PHKB: variants seen among roughly 807,000 people sequenced by gnomAD.
PHKB encodes phosphorylase b kinase regulatory subunit beta.
A neutral mutation model predicts 152.1 loss-of-function variants in PHKB; 122 were observed. The ratio of observed to expected loss-of-function variants is 0.80; its 90% CI spans 0.69 to 0.93. The LOEUF is 0.93. PHKB is among the 40% of genes least tolerant of loss of function. The pLI is 0.00. For synonymous variants in PHKB, 436 were observed against 464.9 expected, an observed-to-expected ratio of 0.94 and a Z score of 0.80; for missense variants, 1,304 against 1,328.4, an observed-to-expected ratio of 0.98 and a Z score of 0.29.
intron 1 of PHKB, among the ~76,000 whole-genome samples, chr16:47,494,962 T>G (rs1970207363): frequency 6.6e-6 from 1 of 152,208 alleles, no homozygotes; most frequent in South Asian, 2.1e-4. Context: ...ATGTAGTTAC[T>G]TTAGAAACAA....
intron 10 of PHKB, among the ~76,000 whole-genome samples, chr16:47,593,112 G>C (rs866382491): frequency 6.8e-6 from 1 of 147,958 alleles, no homozygotes; most frequent in Non-Finnish European, 1.5e-5. Context: ...AAGAAAAAGA[G>C]GGGGGGGAGG....
intron 20 of PHKB, among the ~76,000 whole-genome samples, chr16:47,652,682 T>C (rs1376245764): frequency 6.6e-6 from 1 of 152,112 alleles, no homozygotes; most frequent in East Asian, 1.9e-4. Flanking sequence ...TCTCGCTCTG[T>C]CCTCCAGGCT....
intron 13 of PHKB, among the ~76,000 whole-genome samples, chr16:47,600,118 A>C (rs1238369611): frequency 1.3e-5 from 2 of 152,204 alleles, no homozygotes; most frequent in Non-Finnish European, 2.9e-5. Context: ...TTTGTATCTC[A>C]GTGAAGTCTA....
intron 1 of PHKB, among the ~76,000 whole-genome samples, chr16:47,477,708 A>C (rs565963571): frequency 6.6e-6 from 1 of 152,234 alleles, no homozygotes; most frequent in African/African-American, 2.4e-5. Flanking sequence ...AGGCCAAACT[A>C]CATGGCTCTG....
intron 24 of PHKB, among the ~76,000 whole-genome samples, chr16:47,664,564 C>G (rs939938956): frequency 6.6e-6 from 1 of 151,982 alleles, no homozygotes; most frequent in Non-Finnish European, 1.5e-5. Flanking sequence ...ATAAATATGC[C>G]GTTCCTCCTC....
intron 26 of PHKB, among the ~76,000 whole-genome samples, chr16:47,672,905 A>G (rs1309696681): frequency 6.6e-6 from 1 of 152,114 alleles, no homozygotes; most frequent in African/African-American, 2.4e-5. Context: ...TCAGGTGGCA[A>G]CATGTGACTT....
At chr16:47,681,418 G>C (rs1024160831) in intron 26 of PHKB, among the ~76,000 whole-genome samples, 2 of 148,442 alleles carry the variant, frequency 1.3e-5, no homozygotes, top group African/African-American at 2.4e-5. Context: ...TCTCTTTGTA[G>C]GTCACTAAGG....
chr16:47,613,617 T>C (rs1467489129), intron 14 of PHKB, among the ~76,000 whole-genome samples: 3 of 152,234 alleles, frequency 2.0e-5, no homozygotes, highest in Non-Finnish European at 4.4e-5. Flanking sequence ...GTTTTCTGTT[T>C]CTTTATTTTT....
chr16:47,689,702 T>C (rs531114533), intron 27 of PHKB, among the ~76,000 whole-genome samples: 1 of 152,364 alleles, frequency 6.6e-6, no homozygotes, highest in South Asian at 2.1e-4. Flanking sequence ...ATAGCTTTAA[T>C]GTAAGTATTT....
chr16:47,677,708 T>G (rs1407952258), intron 26 of PHKB, among the ~76,000 whole-genome samples: 1 of 152,090 alleles, frequency 6.6e-6, no homozygotes, highest in Non-Finnish European at 1.5e-5. Context: ...CATTTGAATT[T>G]GGAGGGGGAG....
intron 1 of PHKB, among the ~76,000 whole-genome samples, chr16:47,483,725 T>G (rs2151635030): frequency 6.6e-6 from 1 of 152,290 alleles, no homozygotes; most frequent in South Asian, 2.1e-4. Flanking sequence ...ATGAATTACC[T>G]TATAGTTATA....
intron 6 of PHKB, among the ~76,000 whole-genome samples, chr16:47,546,848 G>A (rs1010333441): frequency 6.6e-6 from 1 of 152,118 alleles, no homozygotes; most frequent in African/African-American, 2.4e-5. Context: ...CTGCCGTGCA[G>A]TTCGATCTCG....
chr16:47,669,868 T>A (rs1243297629), intron 26 of PHKB, among the ~76,000 whole-genome samples: 1 of 152,252 alleles, frequency 6.6e-6, no homozygotes, highest in Admixed American at 6.5e-5. Context: ...TGATTTTTAA[T>A]ATTGTTGTTC....
At chr16:47,663,524 G>A (rs548417443) in intron 23 of PHKB, among the ~76,000 whole-genome samples, 153 bp from the exon 24 acceptor site, 1 of 152,198 alleles carries the variant, frequency 6.6e-6, no homozygotes, top group African/African-American at 2.4e-5. Flanking sequence ...ATATATTTGA[G>A]TTACATATTT....
chr16:47,579,852 C>A (rs1597099778), intron 7 of PHKB, among the ~76,000 whole-genome samples: 1 of 152,158 alleles, frequency 6.6e-6, no homozygotes, highest in Non-Finnish European at 1.5e-5. Context: ...TTAAGCCACA[C>A]TCTGATAGTT....
At chr16:47,521,186 G>T (rs1970679306) in intron 6 of PHKB, among the ~76,000 whole-genome samples, 1 of 152,076 alleles carries the variant, frequency 6.6e-6, no homozygotes, top group South Asian at 2.1e-4. Flanking sequence ...TATGTCATTT[G>T]CATATAGTAA....
chr16:47,600,149 T>C (rs1211431201), intron 13 of PHKB, among the ~76,000 whole-genome samples: 5 of 152,206 alleles, frequency 3.3e-5, no homozygotes, highest in Non-Finnish European at 7.3e-5. Context: ...GCTTTATGTA[T>C]GCCTAAGTAA....
intron 1 of PHKB, among the ~76,000 whole-genome samples, chr16:47,473,051 T>G (rs1344575320): frequency 6.6e-6 from 1 of 150,976 alleles, no homozygotes; most frequent in Non-Finnish European, 1.5e-5. Flanking sequence ...TGTTTTTTTT[T>G]TTGTTTGTTT....
chr16:47,544,361 G>A (rs1457943386), intron 6 of PHKB, among the ~76,000 whole-genome samples: 2 of 152,152 alleles, frequency 1.3e-5, no homozygotes, highest in African/African-American at 2.4e-5. Flanking sequence ...TAGTCATTCA[G>A]GAGCAGGTTC....
Sources: allele counts gnomAD v4.1 joint callset (sites outside exome capture counted in the v4.1 genomes callset), GRCh38; gene constraint gnomAD v4.1.1; transcripts MANE v1.5; gene names NCBI Gene and HGNC (gene_info 2026-07-23, HGNC 2026-07-21).